The following RABGAP1 variants were observed in gnomAD, a reference collection of about 807,000 sequenced individuals.
RABGAP1 encodes the protein RAB GTPase activating protein 1.
RABGAP1 carries 23 observed loss-of-function variants against 137.6 expected under a neutral mutation model. The ratio of observed to expected loss-of-function variants is 0.17; its 90% CI spans 0.12 to 0.24. The LOEUF (loss-of-function observed/expected upper bound fraction) is 0.24. Among genes scored for constraint, RABGAP1 ranks in the 10% least tolerant of loss-of-function variants. The pLI is 1.00. For missense variants in RABGAP1, 906 were observed against 1,275.8 expected (o/e 0.71, Z 4.42); for synonymous variants, 451 against 450.7 (o/e 1.00, Z -0.01).
At chr9:122,993,915 C>T (rs373450964) in intron 6 of RABGAP1, among the ~76,000 whole-genome samples, 2 of 152,198 alleles carry the variant, frequency 1.3e-5, no homozygotes, top group African/African-American at 4.8e-5. Context: ...CCACCTGCCT[C>T]GGCCTCCCAT....
intron 13 of RABGAP1, among the ~76,000 whole-genome samples, chr9:123,039,189 C>T (rs181578102): frequency 1.2e-4 from 18 of 152,272 alleles, no homozygotes; most frequent in African/African-American, 4.1e-4. Flanking sequence ...TACACCACTA[C>T]TCTGTGCTAC....
intron 10 of RABGAP1, among the ~76,000 whole-genome samples, chr9:122,999,958 A>G (rs1236698864): frequency 6.6e-6 from 1 of 151,968 alleles, no homozygotes; most frequent in Non-Finnish European, 1.5e-5. Flanking sequence ...GAGTCATTCA[A>G]TGAATTTTAA....
intron 13 of RABGAP1, chr9:123,034,519 C>A: frequency 8.3e-7 from 1 of 1,212,102 alleles, no homozygotes; most frequent in Non-Finnish European, 1.2e-6. Flanking sequence ...GAACTGTTGG[C>A]AGCAGCCAAG....
chr9:123,083,961 G>T (rs956723950), intron 19 of RABGAP1, among the ~76,000 whole-genome samples: 2 of 152,148 alleles, frequency 1.3e-5, no homozygotes, highest in African/African-American at 4.8e-5. Context: ...CACTGAGCAG[G>T]CCACAGAGAT....
At chr9:122,959,364 CA>C (rs33932737) in intron 2 of RABGAP1, among the ~76,000 whole-genome samples, 5 of 107,734 alleles carry the variant, frequency 4.6e-5, no homozygotes, top group African/African-American at 7.4e-5. Context: ...TGGGGCTTTA[CA>C]AAAAAAAAAA....
intron 2 of RABGAP1, among the ~76,000 whole-genome samples, chr9:122,964,925 G>A (rs1200386268): frequency 6.6e-6 from 1 of 152,152 alleles, no homozygotes; most frequent in Non-Finnish European, 1.5e-5. Context: ...GAGCCAGAGA[G>A]GTCAAGGCTG....
At chr9:122,961,814 G>T (rs1001836740) in intron 2 of RABGAP1, among the ~76,000 whole-genome samples, 1 of 152,100 alleles carries the variant, frequency 6.6e-6, no homozygotes, top group Non-Finnish European at 1.5e-5. Flanking sequence ...GGGCCTATGA[G>T]ATGTGGAAAT....
chr9:123,067,706 G>A (rs902636832), intron 14 of RABGAP1, among the ~76,000 whole-genome samples: 8 of 152,272 alleles, frequency 5.3e-5, no homozygotes, highest in African/African-American at 1.9e-4. Flanking sequence ...CACAGTGCTT[G>A]GTCTATAGTA....
intron 13 of RABGAP1, among the ~76,000 whole-genome samples, chr9:123,049,111 G>C (rs540975031): frequency 5.3e-5 from 8 of 152,264 alleles, no homozygotes; most frequent in African/African-American, 1.9e-4. Context: ...GAAGTCATCT[G>C]CTTTTCTATT....
At chr9:123,007,765 C>T (rs1306573917) in intron 10 of RABGAP1, among the ~76,000 whole-genome samples, 2 of 150,742 alleles carry the variant, frequency 1.3e-5, no homozygotes, top group African/African-American at 4.9e-5. Flanking sequence ...GATGTTGAGT[C>T]ATCTTATCCA....
chr9:122,943,475 G>A (rs1218264413), intron 1 of RABGAP1, among the ~76,000 whole-genome samples: 4 of 152,192 alleles, frequency 2.6e-5, no homozygotes, highest in African/African-American at 4.8e-5. Context: ...GTGCATTTTG[G>A]CATTTTTGGC....
At chr9:123,034,798 G>A in intron 13 of RABGAP1, 2 of 1,613,856 alleles carry the variant, frequency 1.2e-6, no homozygotes. Flanking sequence ...TGACCTTTTT[G>A]TTGGGGTGAG....
intron 2 of RABGAP1, among the ~76,000 whole-genome samples, chr9:122,958,859 AT>A (rs1209826706): frequency 6.6e-6 from 1 of 152,052 alleles, no homozygotes; most frequent in Non-Finnish European, 1.5e-5. Context: ...AGTCTAAAAA[AT>A]TAGCCAGGTG....
intron 2 of RABGAP1, among the ~76,000 whole-genome samples, chr9:122,963,206 C>T (rs1055821750): frequency 4.6e-5 from 7 of 151,908 alleles, no homozygotes; most frequent in African/African-American, 9.7e-5. Context: ...CTCAGAAGTT[C>T]GAGACCAGAC....
chr9:122,962,786 A>G (rs1015287411), intron 2 of RABGAP1, among the ~76,000 whole-genome samples: 3 of 152,140 alleles, frequency 2.0e-5, no homozygotes, highest in Non-Finnish European at 2.9e-5. Context: ...AAAAGGGGAG[A>G]TACTGTTAGA....
chr9:123,000,385 G>A (rs989234224), intron 10 of RABGAP1, among the ~76,000 whole-genome samples: 4 of 151,996 alleles, frequency 2.6e-5, no homozygotes, highest in East Asian at 3.9e-4. Context: ...ACCACCTACT[G>A]CTTCCATTTT....
chr9:123,013,002 G>A (rs1194138804), intron 11 of RABGAP1, among the ~76,000 whole-genome samples: 1 of 152,164 alleles, frequency 6.6e-6, no homozygotes, highest in East Asian at 1.9e-4. Context: ...AAGGGGACAT[G>A]TTTAGAAGCA....
At chr9:123,052,157 C>T (rs1166653171) in intron 13 of RABGAP1, among the ~76,000 whole-genome samples, 2 of 152,110 alleles carry the variant, frequency 1.3e-5, no homozygotes, top group Non-Finnish European at 2.9e-5. Context: ...CAACTCAATA[C>T]TGATAAGAGA....
intron 13 of RABGAP1, chr9:123,034,883 G>A (rs749280190): frequency 6.2e-7 from 1 of 1,613,896 alleles, no homozygotes; most frequent in South Asian, 1.1e-5. Flanking sequence ...CAGATATTTG[G>A]TTTTGTAGTA....
Sources: gnomAD v4.1 joint callset for allele counts (sites outside exome capture counted in the v4.1 genomes callset) on GRCh38, gnomAD v4.1.1 for gene constraint, MANE v1.5 for transcripts, NCBI Gene and HGNC (gene_info 2026-07-23, HGNC 2026-07-21) for gene names.